RPS6KA2: variants seen among roughly 807,000 people sequenced by gnomAD.
RPS6KA2 encodes the protein ribosomal protein S6 kinase A2.
In RPS6KA2, 42 loss-of-function variants were observed where a neutral mutation model predicts 91.8. The observed-to-expected ratio is 0.46, with a 90% CI of 0.36 to 0.59. The LOEUF (loss-of-function observed/expected upper bound fraction) is 0.59. Ranked by LOEUF, RPS6KA2 falls within the 20% of genes least tolerant of loss-of-function variation. RPS6KA2 has a pLI of 0.00. For missense variants in RPS6KA2, 798 were observed against 978.5 expected (o/e 0.82, Z 2.46); for synonymous variants, 414 against 393.6 (o/e 1.05, Z -0.61).
At chr6:166,680,996 T>C (rs866546556) in intron 2 of RPS6KA2, among the ~76,000 whole-genome samples, 2 of 152,232 alleles carry the variant, frequency 1.3e-5, no homozygotes, top group African/African-American at 4.8e-5. Flanking sequence ...TGAGGACTGC[T>C]CTTTTTTAAC....
At chr6:166,838,748 G>A (rs941877289) in intron 2 of RPS6KA2, among the ~76,000 whole-genome samples, 6 of 137,650 alleles carry the variant, frequency 4.4e-5, no homozygotes, top group South Asian at 4.1e-4. Flanking sequence ...AATCTTGGCC[G>A]CAAAGATACT....
chr6:166,422,525 C>G (rs761988545), intron 17 of RPS6KA2, among the ~76,000 whole-genome samples: 2 of 152,176 alleles, frequency 1.3e-5, no homozygotes, highest in Non-Finnish European at 2.9e-5. Context: ...CTCCCCTGTC[C>G]CATTGGCAAC....
At chr6:166,801,957 A>ATT (rs1379773425) in intron 2 of RPS6KA2, among the ~76,000 whole-genome samples, 2 of 151,806 alleles carry the variant, frequency 1.3e-5, no homozygotes, top group African/African-American at 2.4e-5. Flanking sequence ...AAAAAAAAAA[A>ATT]TTTTTAAATC....
At chr6:166,707,899 G>A (rs753286301) in intron 2 of RPS6KA2, among the ~76,000 whole-genome samples, 9 of 151,920 alleles carry the variant, frequency 5.9e-5, no homozygotes, top group East Asian at 1.9e-4. Flanking sequence ...GTGCACCACC[G>A]TGCCCAGATA....
intron 4 of RPS6KA2, chr6:166,509,403 T>C (rs983317340): frequency 5.9e-6 from 1 of 170,194 alleles, no homozygotes; most frequent in Non-Finnish European, 1.5e-5. Context: ...AAAGCCAGCC[T>C]CTGCAGCCTC....
At chr6:166,682,053 C>T (rs1484990706) in intron 2 of RPS6KA2, among the ~76,000 whole-genome samples, 5 of 152,070 alleles carry the variant, frequency 3.3e-5, no homozygotes, top group South Asian at 2.1e-4. Context: ...CTGGTTCATT[C>T]GTAAGTAGAG....
At chr6:166,715,287 G>A (rs1789979083) in intron 2 of RPS6KA2, among the ~76,000 whole-genome samples, 1 of 152,192 alleles carries the variant, frequency 6.6e-6, no homozygotes. Flanking sequence ...AGGCATGGAC[G>A]GTAGCTGCCA....
At chr6:166,723,704 CTTT>C (rs1249150694) in intron 2 of RPS6KA2, among the ~76,000 whole-genome samples, 4 of 139,634 alleles carry the variant, frequency 2.9e-5, no homozygotes, top group Admixed American at 7.1e-5. Context: ...CTTTTCTTTT[CTTT>C]TTTTTTTTTT....
intron 2 of RPS6KA2, among the ~76,000 whole-genome samples, chr6:166,532,401 G>A (rs904688851): frequency 6.6e-6 from 1 of 152,202 alleles, no homozygotes; most frequent in Non-Finnish European, 1.5e-5. Flanking sequence ...CCAACTGGAG[G>A]GAGACCAACC....
intron 2 of RPS6KA2, among the ~76,000 whole-genome samples, chr6:166,800,485 T>C (rs1395366522): frequency 6.6e-6 from 1 of 152,172 alleles, no homozygotes; most frequent in African/African-American, 2.4e-5. Context: ...GAGGGCCCCA[T>C]CCTTATGAAT....
intron 12 of RPS6KA2, among the ~76,000 whole-genome samples, chr6:166,454,924 A>G (rs1236142687): frequency 6.7e-6 from 1 of 150,372 alleles, no homozygotes; most frequent in Non-Finnish European, 1.5e-5. Context: ...ATAGAATACT[A>G]TAATACATTA....
chr6:166,618,072 G>A (rs1342552099), intron 1 of RPS6KA2, among the ~76,000 whole-genome samples: 1 of 152,384 alleles, frequency 6.6e-6, no homozygotes, highest in East Asian at 1.9e-4. Context: ...AAGGGGACCT[G>A]TGATTCAGGA....
Position 166,557,301 on chromosome 6 carries a change from C to T in RPS6KA2, c.100-18517G>A, listed in dbSNP as rs1784205219. ...CGCGGAGCATGCTTCCCAAGAACAG[C>T]CCGCAGGGAAGACGCCCAAAACCTA... On this transcript the variant is annotated intron_variant, in intron 1 of 20. Coordinates refer to ENST00000265678, the MANE Select transcript of RPS6KA2 (RefSeq NM_021135.6). The surrounding 1 kb of genome is among the most constrained non-coding windows in gnomAD (Gnocchi z 4.8). 6.6e-6 allele frequency among the ~76,000 whole-genome samples: 1 copy of T among 152,218 alleles called. No homozygotes were observed. Among genetic ancestry groups the T allele is most frequent in the African/African-American group, 2.4e-5 (1 of 41,458 alleles).
At chr6:166,811,486 T>G (rs1779638843) in intron 2 of RPS6KA2, among the ~76,000 whole-genome samples, 1 of 152,084 alleles carries the variant, frequency 6.6e-6, no homozygotes, top group Non-Finnish European at 1.5e-5. Flanking sequence ...ATGAGCCAGG[T>G]GTGGTTGTGT....
chr6:166,539,599 A>AG (rs1783590540), intron 1 of RPS6KA2, among the ~76,000 whole-genome samples: 1 of 152,244 alleles, frequency 6.6e-6, no homozygotes, highest in Non-Finnish European at 1.5e-5. Flanking sequence ...AGAAGCAGTC[A>AG]GGTAAGATTT....
chr6:166,758,776 C>T (rs953704499), intron 2 of RPS6KA2, among the ~76,000 whole-genome samples: 3 of 152,320 alleles, frequency 2.0e-5, no homozygotes, highest in African/African-American at 7.2e-5. Context: ...AAATTTAAGA[C>T]TGAAATGGAC....
intron 1 of RPS6KA2, among the ~76,000 whole-genome samples, chr6:166,564,864 C>A (rs989629583): frequency 1.3e-5 from 2 of 152,198 alleles, no homozygotes. Context: ...GTGGCCAGAT[C>A]CCATTTCAAG....
intron 2 of RPS6KA2, among the ~76,000 whole-genome samples, chr6:166,712,808 A>G (rs1789902704): frequency 6.6e-6 from 1 of 152,184 alleles, no homozygotes; most frequent in African/African-American, 2.4e-5. Flanking sequence ...TGGTCAATGG[A>G]TAAGCAGACA....
At chr6:166,602,652 C>A (rs1785787780) in intron 1 of RPS6KA2, among the ~76,000 whole-genome samples, 1 of 152,152 alleles carries the variant, frequency 6.6e-6, no homozygotes, top group Admixed American at 6.5e-5. Context: ...CTGCAAAAAA[C>A]AATACAGTGT....
Sources: allele counts gnomAD v4.1 joint callset (sites outside exome capture counted in the v4.1 genomes callset), GRCh38; gene constraint gnomAD v4.1.1; non-coding constraint Gnocchi (gnomAD v3.1); transcripts MANE v1.5; gene names NCBI Gene and HGNC (gene_info 2026-07-23, HGNC 2026-07-21).